RDH13: variants seen among roughly 807,000 people sequenced by gnomAD.
RDH13 encodes the protein retinol dehydrogenase 13.
A neutral mutation model predicts 28.3 loss-of-function variants in RDH13; 35 were observed. The observed-to-expected ratio is 1.24, with a 90% CI of 0.95 to 1.64. The LOEUF is 1.64. RDH13 is among the 40% of genes most tolerant of loss of function. The pLI, the probability that RDH13 is intolerant of heterozygous loss-of-function variation, is 0.00. For synonymous variants in RDH13, 229 were observed against 198.5 expected, an observed-to-expected ratio of 1.15 and a Z score of -1.29; for missense variants, 514 against 446.3, an observed-to-expected ratio of 1.15 and a Z score of -1.37.
intron 2 of RDH13, 103 bp downstream of exon 2, chr19:55,059,054 G>C: frequency 1.4e-6 from 1 of 723,582 alleles, no homozygotes; most frequent in Non-Finnish European, 2.4e-6. Context: ...GTTCATCTGT[G>C]GATGGGTGCC....
chr19:55,066,783 T>C (rs1027258826), upstream of RDH13, among the ~76,000 whole-genome samples: 17 of 151,760 alleles, frequency 1.1e-4, no homozygotes, highest in Non-Finnish European at 1.9e-4. Context: ...CCTACACACA[T>C]CTTAAGAGGC....
rs763410747 is a variant in RDH13, at chr19:55,048,342, G to T, written c.645C>A (p.Ser215Arg). 2 of 1,614,014 alleles carry T rather than the reference G, an allele frequency of 1.2e-6. No homozygotes were observed. The highest frequency in any genetic ancestry group is 1.7e-6 in the Non-Finnish European group (2 of 1,180,050). Residue 215 changes from serine (S) to arginine (R), a missense_variant, in exon 5 of 7, where the codon AGC becomes AGA. Coordinates refer to ENST00000415061, the MANE Select transcript of RDH13 (RefSeq NM_001145971.2). ...GCGCCCCCGTACCTTGCAGCCGCCG[G>T]CTCAGCTCCTTGGTGAAGAGGACGA... Reference protein sequence around the residue: ...LAIVLFTKELSRRLQGSGVTV... With the variant: ...LAIVLFTKELRRRLQGSGVTV...
intron 3 of RDH13, among the ~76,000 whole-genome samples, chr19:55,050,104 C>A (rs1483410121): frequency 1.5e-5 from 2 of 136,910 alleles, no homozygotes; most frequent in Admixed American, 8.4e-5. Flanking sequence ...TTTCACTGCC[C>A]CCAGCCTATT....
chr19:55,050,057 A>G (rs1167512805), intron 3 of RDH13, among the ~76,000 whole-genome samples: 1 of 151,346 alleles, frequency 6.6e-6, no homozygotes, highest in African/African-American at 2.4e-5. Context: ...CTTGAACTCA[A>G]GCAATCCTCC....
upstream of RDH13, among the ~76,000 whole-genome samples, chr19:55,068,041 T>TTC (rs368047352): frequency 2.8e-5 from 4 of 143,624 alleles, no homozygotes; most frequent in Admixed American, 7.0e-5. Context: ...CTGTGTCTCC[T>TTC]TCTCTCTCTC....
At chr19:55,064,615 G>A (rs1206471992), upstream of RDH13, among the ~76,000 whole-genome samples, 1 of 150,568 alleles carries the variant, frequency 6.6e-6, no homozygotes, top group East Asian at 2.0e-4. Context: ...TTGTTTGTTT[G>A]TTTTGTTTTG....
At chr19:55,061,972 A>T (rs568084585) in intron 1 of RDH13, among the ~76,000 whole-genome samples, 1 of 151,898 alleles carries the variant, frequency 6.6e-6, no homozygotes, top group African/African-American at 2.4e-5. Context: ...ACAAAATTAG[A>T]CAGGCGTGGT....
chr19:55,061,869 G>A (rs140908518), intron 1 of RDH13, among the ~76,000 whole-genome samples: 1 of 151,796 alleles, frequency 6.6e-6, no homozygotes, highest in Non-Finnish European at 1.5e-5. Flanking sequence ...TGTAACCCCA[G>A]CACTTTGGGA....
At chr19:55,059,305 T>C (rs2075738232) in intron 1 of RDH13, 30 bp from the exon 2 acceptor site, 4 of 1,467,958 alleles carry the variant, frequency 2.7e-6, no homozygotes, top group African/African-American at 1.4e-5. Context: ...CGGTCAGTCC[T>C]GTGGGCCCAC....
At chr19:55,045,757 C>T (rs1428209675) in intron 6 of RDH13, among the ~76,000 whole-genome samples, 1 of 151,544 alleles carries the variant, frequency 6.6e-6, no homozygotes, top group East Asian at 1.9e-4. Flanking sequence ...ACCAGCCTGG[C>T]CAACATGGTG....
chr19:55,047,139 C>A, intron 6 of RDH13: 1 of 1,398,696 alleles, frequency 7.1e-7, no homozygotes, highest in South Asian at 1.6e-5. Context: ...GTCAGCTCCA[C>A]GGCCTCTTCC....
In RDH13 at chr19:55,045,171, G is replaced by A; in HGVS notation, c.899C>T (p.Ala300Val). The A allele has an allele frequency of 6.2e-7, 1 of 1,613,722 alleles. No individual in the cohort carries two copies. Among genetic ancestry groups the A allele is most frequent in the Non-Finnish European group, 8.5e-7 (1 of 1,180,024 alleles). ...CCTCCGGGCCACCTCCTCATCCTCAGCCTCGGGGGCCGGGGCCTTCTGTTT... is the reference window on the plus strand; with the variant it reads ...CCTCCGGGCCACCTCCTCATCCTCAACCTCGGGGGCCGGGGCCTTCTGTTT... ...GLKQKAPAPE[A>V]EDEEVARRLW... Residue 300 changes from alanine (A) to valine (V), a missense_variant, in exon 7 of 7, where the codon GCT becomes GTT. By Grantham distance (64) the Ala-to-Val change is moderately conservative (BLOSUM62 0). Transcript: ENST00000415061.
chr19:55,064,789 T>C, upstream of RDH13, among the ~76,000 whole-genome samples: 1 of 149,918 alleles, frequency 6.7e-6, no homozygotes, highest in African/African-American at 2.5e-5. Flanking sequence ...ATTTTTGTAT[T>C]TTTAGTAGAG....
chr19:55,061,864 C>A (rs1403077783), intron 1 of RDH13, among the ~76,000 whole-genome samples: 3 of 149,924 alleles, frequency 2.0e-5, no homozygotes, highest in African/African-American at 7.4e-5. Flanking sequence ...ACGCCTGTAA[C>A]CCCAGCACTT....
In RDH13 at chr19:55,049,964, CTT is replaced by C. The variant is rs142472234; in HGVS notation, c.341-1203_341-1202del. 7.0e-5 allele frequency among the ~76,000 whole-genome samples: 10 copies of C among 142,022 alleles called. No individual in the cohort carries two copies. In the East Asian group the frequency reaches 1.2e-3, roughly 17 times the overall value. 93.2% of individuals were successfully genotyped at this position (142,022 alleles called of 152,430 possible). On this transcript the variant is annotated intron_variant, in intron 3 of 6. Transcript: ENST00000415061. The stretch of plus-strand genomic sequence containing the variant: ...CTTCCTCTTCCCTTTGGAGCTGTCT[CTT>C]TTTTTTTTTTCATTTTTCCTTTTTT...
At chr19:55,052,740 CA>C (rs1221791933) in intron 3 of RDH13, among the ~76,000 whole-genome samples, 36 of 151,350 alleles carry the variant, frequency 2.4e-4, no homozygotes, top group Admixed American at 1.6e-3. Context: ...CGGCTCACTG[CA>C]AGCTCCACCT....
downstream of RDH13, chr19:55,043,286 A>C (rs1394188569): frequency 6.6e-6 from 1 of 152,328 alleles, no homozygotes; most frequent in African/African-American, 2.4e-5. Flanking sequence ...CTGTAGTCCC[A>C]GATACTCAGG....
intron 6 of RDH13, chr19:55,047,042 G>C: frequency 1.1e-6 from 1 of 920,028 alleles, no homozygotes; most frequent in Non-Finnish European, 1.4e-6. Context: ...GAAGAAACAG[G>C]CTCAGAGGGG....
At chr19:55,059,071 C>A in intron 2 of RDH13, 86 bp downstream of exon 2, 1 of 854,178 alleles carries the variant, frequency 1.2e-6, no homozygotes, top group Non-Finnish European at 1.9e-6. Flanking sequence ...TGCCTGGGTT[C>A]CTTCCACCTC....
Sources: allele counts gnomAD v4.1 joint callset (sites outside exome capture counted in the v4.1 genomes callset), GRCh38; gene constraint gnomAD v4.1.1; transcripts MANE v1.5; gene names NCBI Gene and HGNC (gene_info 2026-07-23, HGNC 2026-07-21).